The following AHI1 variants were observed in gnomAD, a reference collection of about 807,000 sequenced individuals.
The protein encoded by AHI1 is Abelson helper integration site 1, also known as jouberin.
A neutral mutation model predicts 149.3 loss-of-function variants in AHI1; 123 were observed. The ratio of observed to expected loss-of-function variants is 0.82; its 90% CI spans 0.71 to 0.96. AHI1 has a LOEUF of 0.96. AHI1 is among the 40% of genes least tolerant of loss of function. AHI1 has a pLI of 0.00. For synonymous variants in AHI1, 475 were observed against 459.8 expected (o/e 1.03, Z -0.42); for missense variants, 1,439 against 1,422.7 (o/e 1.01, Z -0.18).
intron 15 of AHI1, among the ~76,000 whole-genome samples, chr6:135,436,107 G>A (rs534307004): frequency 1.3e-5 from 2 of 152,290 alleles, no homozygotes; most frequent in East Asian, 3.9e-4. Context: ...AAAGGTGTGC[G>A]CTAGAAGTCA....
chr6:135,334,043 A>T (rs917954812), intron 24 of AHI1, among the ~76,000 whole-genome samples: 1 of 152,236 alleles, frequency 6.6e-6, no homozygotes, highest in Admixed American at 6.5e-5. Context: ...AACAATAACG[A>T]TAAAGCATTT....
chr6:135,422,604 C>T (rs1234059539), intron 20 of AHI1, among the ~76,000 whole-genome samples: 1 of 148,516 alleles, frequency 6.7e-6, no homozygotes, highest in African/African-American at 2.5e-5. Flanking sequence ...TATGTTACTC[C>T]TCAAAGTTTT....
intron 24 of AHI1, among the ~76,000 whole-genome samples, chr6:135,337,964 A>G (rs978914079): frequency 7.9e-5 from 12 of 152,270 alleles, no homozygotes; most frequent in Admixed American, 1.3e-4. Flanking sequence ...GGAAGAAGAT[A>G]AGGATATAAT....
At chr6:135,395,029 A>G in intron 22 of AHI1, 133 bp from the exon 23 acceptor site, 1 of 843,918 alleles carries the variant, frequency 1.2e-6, no homozygotes, top group East Asian at 2.7e-5. Context: ...AATGATGTAC[A>G]TGGTTAGTTT....
In AHI1 at chr6:135,457,736, C is replaced by T. The variant is rs1789207955; in HGVS notation, c.932-23G>A. On this transcript the variant is annotated intron_variant, in intron 8 of 28. Coordinates refer to ENST00000265602, the MANE Select transcript of AHI1 (RefSeq NM_001134831.2). ...CAACTACACGCATGGAAAAAAAAAT[C>T]AATGTTATAATTAGTTGTTCCCATA... 3 of 1,583,560 alleles carry T rather than the reference C, an allele frequency of 1.9e-6. No homozygotes were observed. The African/African-American group carries it at 4.0e-5, about 21-fold the overall frequency.
At chr6:135,304,306 G>T (rs1177073749) in intron 26 of AHI1, among the ~76,000 whole-genome samples, 1 of 152,144 alleles carries the variant, frequency 6.6e-6, no homozygotes, top group Non-Finnish European at 1.5e-5. Flanking sequence ...TCCTGCCCCA[G>T]CTTCCCAAAG....
intron 8 of AHI1, among the ~76,000 whole-genome samples, chr6:135,459,997 G>C (rs1245543515): frequency 6.6e-6 from 1 of 152,074 alleles, no homozygotes; most frequent in African/African-American, 2.4e-5. Context: ...TTTGAGACTA[G>C]CCTGGAAAAT....
intron 20 of AHI1, among the ~76,000 whole-genome samples, chr6:135,415,213 T>G (rs948704403): frequency 6.6e-6 from 1 of 152,114 alleles, no homozygotes; most frequent in Non-Finnish European, 1.5e-5. Flanking sequence ...CAGTCTATCA[T>G]TGTTGGACAT....
At chr6:135,371,117 G>A (rs1774992559) in intron 23 of AHI1, among the ~76,000 whole-genome samples, 1 of 152,192 alleles carries the variant, frequency 6.6e-6, no homozygotes, top group South Asian at 2.1e-4. Context: ...TTGTAGAAGT[G>A]CTAAGTGTGA....
chr6:135,428,032 A>AACT (rs1784146969), intron 19 of AHI1, among the ~76,000 whole-genome samples: 1 of 151,588 alleles, frequency 6.6e-6, no homozygotes, highest in African/African-American at 2.4e-5. Flanking sequence ...AATACTGTTC[A>AACT]TTAAAGAAAT....
intron 5 of AHI1, among the ~76,000 whole-genome samples, chr6:135,480,742 C>T (rs947158028): frequency 6.6e-6 from 1 of 152,134 alleles, no homozygotes; most frequent in African/African-American, 2.4e-5. Flanking sequence ...GGCCTCAGAC[C>T]AGTACTGGTC....
chr6:135,471,070 T>G (rs1025780346), intron 5 of AHI1, among the ~76,000 whole-genome samples: 3 of 152,140 alleles, frequency 2.0e-5, no homozygotes, highest in Admixed American at 2.0e-4. Flanking sequence ...GTACCAATAA[T>G]GTAGCACCAA....
Position 135,372,515 on chromosome 6 carries a change from AAAG to A in AHI1, c.3110-14331_3110-14329del, listed in dbSNP as rs1218769736. 9.3e-4 allele frequency among the ~76,000 whole-genome samples: 97 copies of A among 104,722 alleles called. 1 individual carries two copies. The highest frequency in any genetic ancestry group is 2.8e-3 in the African/African-American group (92 of 32,718). 68.7% of individuals were successfully genotyped at this position (104,722 alleles called of 152,430 possible). ...GAGACCCTGTCTCTACCGGAAAAAA[AAAG>A]AAAAAAAAAAAAGAAAAAAAAAATT... On this transcript the variant is annotated intron_variant, in intron 23 of 28. Coordinates refer to ENST00000265602, the MANE Select transcript of AHI1 (RefSeq NM_001134831.2).
chr6:135,343,535 G>T (rs747437329), intron 24 of AHI1, among the ~76,000 whole-genome samples: 9 of 151,382 alleles, frequency 5.9e-5, no homozygotes, highest in Non-Finnish European at 1.2e-4. Flanking sequence ...CATAGAATAG[G>T]CGTGTGTATG....
chr6:135,380,011 CCCT>C (rs1320598227), intron 23 of AHI1, among the ~76,000 whole-genome samples: 45 of 114,714 alleles, frequency 3.9e-4, no homozygotes, highest in Non-Finnish European at 7.0e-4. Flanking sequence ...CCCTCTTCCT[CCCT>C]CCTTCCTTCC....
chr6:135,496,389 A>G (rs1446710256), intron 2 of AHI1, among the ~76,000 whole-genome samples: 3 of 152,192 alleles, frequency 2.0e-5, no homozygotes, highest in Admixed American at 1.3e-4. Context: ...AAGTGCTAGG[A>G]TTACAGGCGT....
intron 23 of AHI1, among the ~76,000 whole-genome samples, chr6:135,377,756 T>G (rs1291123045): frequency 1.3e-5 from 2 of 152,088 alleles, no homozygotes; most frequent in Non-Finnish European, 2.9e-5. Flanking sequence ...ACCAGGCGCA[T>G]GAACCACTGA....
chr6:135,299,995 T>C (rs549958884), intron 27 of AHI1, among the ~76,000 whole-genome samples: 35 of 152,284 alleles, frequency 2.3e-4, no homozygotes, highest in Non-Finnish European at 4.6e-4. Flanking sequence ...AACTTTGTAA[T>C]AATACACATT....
At chr6:135,492,769 G>C in intron 3 of AHI1, 2 of 985,166 alleles carry the variant, frequency 2.0e-6, no homozygotes, top group Non-Finnish European at 1.2e-6. Context: ...CAATAGAGAA[G>C]GATAGTACAA....
Sources: allele counts gnomAD v4.1 joint callset (sites outside exome capture counted in the v4.1 genomes callset), GRCh38; gene constraint gnomAD v4.1.1; transcripts MANE v1.5; gene names NCBI Gene and HGNC (gene_info 2026-07-23, HGNC 2026-07-21).